The following DENND6A variants were observed in gnomAD, a reference collection of about 807,000 sequenced individuals.
DENND6A encodes the protein DENN domain containing 6A, also known as protein DENND6A.
A neutral mutation model predicts 95.5 loss-of-function variants in DENND6A; 43 were observed. The observed-to-expected ratio is 0.45, with a 90% CI of 0.35 to 0.58. DENND6A has a LOEUF of 0.58. Among genes scored for constraint, DENND6A ranks in the 20% least tolerant of loss-of-function variants. The pLI, the probability that DENND6A is intolerant of heterozygous loss-of-function variation, is 0.00. For missense variants in DENND6A, 574 were observed against 736.0 expected (o/e 0.78, Z 2.55); for synonymous variants, 257 against 260.4 (o/e 0.99, Z 0.13).
intron 10 of DENND6A, 76 bp from the exon 11 acceptor site, chr3:57,645,832 T>C: frequency 2.8e-6 from 3 of 1,053,336 alleles, no homozygotes; most frequent in Non-Finnish European, 4.3e-6. Flanking sequence ...AAAACATCTA[T>C]ACAAACGGTA....
intron 9 of DENND6A, among the ~76,000 whole-genome samples, chr3:57,646,675 T>C (rs773853589): frequency 1.3e-5 from 2 of 152,222 alleles, no homozygotes; most frequent in Non-Finnish European, 2.9e-5. Flanking sequence ...TTAAATGTAA[T>C]ATATTGACAC....
intron 1 of DENND6A, among the ~76,000 whole-genome samples, chr3:57,676,703 G>T (rs1005161710): frequency 1.1e-4 from 17 of 152,176 alleles, no homozygotes; most frequent in Non-Finnish European, 1.0e-4. Context: ...CAAATAATAT[G>T]ACAAGGAATG....
At chr3:57,662,192 T>TG (rs1173893670) in intron 5 of DENND6A, among the ~76,000 whole-genome samples, 3 of 124,086 alleles carry the variant, frequency 2.4e-5, no homozygotes, top group Non-Finnish European at 3.5e-5. Flanking sequence ...TTTCTTTTTT[T>TG]TTTTTTTTTT....
At chr3:57,665,964 G>A in intron 4 of DENND6A, 159 bp downstream of exon 4, 1 of 522,058 alleles carries the variant, frequency 1.9e-6, no homozygotes. Context: ...TCATTCAGAT[G>A]CTGAATCCTT....
At position 57,628,030 on chromosome 3, in the gene DENND6A, C is replaced by A. The variant is rs925434602; in HGVS notation, c.*184G>T. The A allele has an allele frequency of 4.6e-5, 33 of 713,434 alleles. No individual in the cohort carries two copies. Among genetic ancestry groups the A allele is most frequent in the Non-Finnish European group, 6.6e-5 (31 of 471,064 alleles). 44.2% of individuals were successfully genotyped at this position (713,434 alleles called of 1,614,324 possible). A position where few individuals can be genotyped will look rare whatever the true frequency, so the allele number is the denominator to read the frequency against. On this transcript the variant is annotated 3_prime_UTR_variant, in exon 20 of 20. Transcript: ENST00000311128. ...ATTAAAGTGGAACCACCACAGATAT[C>A]CACTTTAAAAAGTAATGCACTAAAA...
intron 1 of DENND6A, among the ~76,000 whole-genome samples, chr3:57,690,309 T>A (rs1293718475): frequency 6.6e-6 from 1 of 152,020 alleles, no homozygotes; most frequent in Admixed American, 6.6e-5. Context: ...ATCGAGACCA[T>A]CCTGGCTAAC....
chr3:57,646,469 T>TCCTGTTTTTAAA (rs2071082731), intron 9 of DENND6A, 31 bp from the exon 10 acceptor site: 1 of 1,581,222 alleles, frequency 6.3e-7, no homozygotes, highest in African/African-American at 1.4e-5. Context: ...GAAATACTTT[T>TCCTGTTTTTAAA]TAATGTAGCC....
At position 57,633,159 on chromosome 3, in the gene DENND6A, G is replaced by A; in HGVS notation, c.1353+106C>T. ...TATTTTTAATCACTAAATATACCAG[G>A]CTGGCAAAACACACAACTTAAGATA... is the stretch of plus-strand genomic sequence containing the variant. On this transcript the variant is annotated intron_variant, in intron 15 of 19. Coordinates refer to ENST00000311128, the MANE Select transcript of DENND6A (RefSeq NM_152678.3). The A allele has an allele frequency of 4.4e-6, 4 of 917,328 alleles. No individual in the cohort carries two copies. In the South Asian group the frequency reaches 6.2e-5, roughly 14 times the overall value. The allele number at this position is 917,328 out of a possible 1,614,324, so 56.8% of individuals were successfully genotyped here. A position where few individuals can be genotyped will look rare whatever the true frequency, so the allele number is the denominator to read the frequency against.
intron 12 of DENND6A, among the ~76,000 whole-genome samples, chr3:57,639,625 G>C (rs979849684): frequency 2.0e-5 from 3 of 152,166 alleles, no homozygotes; most frequent in African/African-American, 7.2e-5. Context: ...AGACAGAACA[G>C]TAACAGAATG....
intron 14 of DENND6A, among the ~76,000 whole-genome samples, chr3:57,634,201 G>A (rs912061082): frequency 6.6e-6 from 1 of 152,048 alleles, no homozygotes; most frequent in African/African-American, 2.4e-5. Context: ...GGGAGACCGA[G>A]GTGGGCGTAT....
intron 1 of DENND6A, among the ~76,000 whole-genome samples, chr3:57,685,189 C>T (rs1274490105): frequency 2.0e-5 from 3 of 151,708 alleles, no homozygotes; most frequent in African/African-American, 7.3e-5. Context: ...TCCCAAAGTG[C>T]TGGGATTACA....
Position 57,634,695 on chromosome 3 carries a change from A to G in DENND6A, c.1198+9T>C. Reference sequence around the variant, plus strand: ...AAATATATATTTAAAAATCAATAAAAGTCAATACCAGGTTTGGAATCCAGA... The same window carrying G: ...AAATATATATTTAAAAATCAATAAAGGTCAATACCAGGTTTGGAATCCAGA... On this transcript the variant is annotated intron_variant, in intron 13 of 19. Transcript: ENST00000311128. 6.5e-7 allele frequency: 1 copy of G among 1,534,560 alleles called. No individual in the cohort carries two copies. Among genetic ancestry groups the G allele is most frequent in the Non-Finnish European group, 8.8e-7 (1 of 1,141,084 alleles).
chr3:57,636,963 A>T (rs1046404506), intron 12 of DENND6A, among the ~76,000 whole-genome samples: 4 of 149,852 alleles, frequency 2.7e-5, no homozygotes, highest in Non-Finnish European at 5.9e-5. Context: ...AAAAAAAGTT[A>T]TCCATAGGAA....
Position 57,693,074 on chromosome 3 carries a change from G to T in DENND6A, c.-56C>A, listed in dbSNP as rs1009979299. ...CACAGCGGACCGCGCCGCAGAGCGCGCTTGCCTCCGCGCAGGCGCAGACGC... is the reference window on the plus strand; with the variant it reads ...CACAGCGGACCGCGCCGCAGAGCGCTCTTGCCTCCGCGCAGGCGCAGACGC... On this transcript the variant is annotated 5_prime_UTR_variant, in exon 1 of 20. Transcript: ENST00000311128. 19 of 1,311,080 alleles carry T rather than the reference G, an allele frequency of 1.4e-5. No homozygotes were observed. Among genetic ancestry groups the T allele is most frequent in the Non-Finnish European group, 1.8e-5 (18 of 1,025,350 alleles). The allele number at this position is 1,311,080 out of a possible 1,614,324, so 81.2% of individuals were successfully genotyped here.
At chr3:57,660,601 G>A (rs112319898) in intron 7 of DENND6A, among the ~76,000 whole-genome samples, 159 bp downstream of exon 7, 1 of 152,052 alleles carries the variant, frequency 6.6e-6, no homozygotes, top group Non-Finnish European at 1.5e-5. Flanking sequence ...CTGGCTACTT[G>A]TGGGGCTGAA....
intron 12 of DENND6A, among the ~76,000 whole-genome samples, chr3:57,635,543 G>C (rs2070773471): frequency 6.6e-6 from 1 of 152,116 alleles, no homozygotes; most frequent in South Asian, 2.1e-4. Flanking sequence ...CCTAAGAACT[G>C]AAAGACAATC....
At chr3:57,643,740 T>C (rs2071002625) in intron 11 of DENND6A, among the ~76,000 whole-genome samples, 1 of 149,340 alleles carries the variant, frequency 6.7e-6, no homozygotes, top group Admixed American at 6.7e-5. Context: ...GGTAGGAGAA[T>C]CACTTGAACC....
intron 1 of DENND6A, among the ~76,000 whole-genome samples, chr3:57,692,242 A>AC (rs1187190232): frequency 6.6e-6 from 1 of 151,832 alleles, no homozygotes; most frequent in Non-Finnish European, 1.5e-5. Context: ...AAAAAAAAAA[A>AC]AAAAAAAACA....
intron 14 of DENND6A, among the ~76,000 whole-genome samples, chr3:57,634,340 T>C (rs1009432421): frequency 2.7e-5 from 4 of 149,276 alleles, no homozygotes; most frequent in Non-Finnish European, 4.4e-5. Flanking sequence ...GGCTGAGGCA[T>C]GAGAATCACT....
Sources: gnomAD v4.1 joint callset for allele counts (sites outside exome capture counted in the v4.1 genomes callset) on GRCh38, gnomAD v4.1.1 for gene constraint, MANE v1.5 for transcripts, NCBI Gene and HGNC (gene_info 2026-07-23, HGNC 2026-07-21) for gene names.